Variants in NEB observed in about 807,000 individuals in gnomAD.
The protein encoded by NEB is nebulin.
Under a neutral mutation model 952.2 loss-of-function variants are expected in NEB, and 512 were observed. The observed-to-expected ratio is 0.54, with a 90% CI of 0.50 to 0.58. The LOEUF (loss-of-function observed/expected upper bound fraction) is 0.58, where lower values mean the gene tolerates loss of function less well. Ranked by LOEUF, NEB falls within the 20% of genes least tolerant of loss-of-function variation. The pLI, the probability that NEB is intolerant of heterozygous loss-of-function variation, is 0.00. For missense variants in NEB, 8,428 were observed against 9,231.1 expected, an observed-to-expected ratio of 0.91 and a Z score of 3.56; for synonymous variants, 2,900 against 3,149.8, an observed-to-expected ratio of 0.92 and a Z score of 2.66.
At chr2:151,551,635 G>C (rs2095347471) in intron 129 of NEB, 103 bp downstream of exon 129, 1 of 839,530 alleles carries the variant, frequency 1.2e-6, no homozygotes, top group African/African-American at 1.7e-5. Flanking sequence ...GAATAGAACA[G>C]CATTTATACA....
chr2:151,625,379 T>C (rs947328505), intron 71 of NEB, among the ~76,000 whole-genome samples, 155 bp downstream of exon 71: 5 of 152,204 alleles, frequency 3.3e-5, no homozygotes, highest in African/African-American at 1.2e-4. Context: ...GCCTATTTTT[T>C]AATACAATAA....
chr2:151,640,783 T>C, intron 60 of NEB, 117 bp from the exon 61 acceptor site: 1 of 932,934 alleles, frequency 1.1e-6, no homozygotes, highest in African/African-American at 1.7e-5. Context: ...GTAAATTATA[T>C]GATAGATGTA....
intron 105 of NEB, among the ~76,000 whole-genome samples, chr2:151,577,911 A>G (rs1024613093): frequency 6.6e-6 from 1 of 152,060 alleles, no homozygotes; most frequent in Non-Finnish European, 1.5e-5. Context: ...TTTATTCACC[A>G]TGGTATCTTT....
intron 167 of NEB, among the ~76,000 whole-genome samples, chr2:151,501,960 A>T (rs983129643): frequency 2.0e-5 from 3 of 152,216 alleles, no homozygotes; most frequent in African/African-American, 7.2e-5. Flanking sequence ...CTTACATAGC[A>T]TACAAAAAAT....
At chr2:151,494,093 TAGG>T in intron 174 of NEB, 65 bp downstream of exon 174, 1 of 1,319,528 alleles carries the variant, frequency 7.6e-7, no homozygotes, top group Non-Finnish European at 1.1e-6. Context: ...GGGACAGGGT[TAGG>T]AGCAGGCCAA....
chr2:151,570,533 G>C lies in NEB; in HGVS notation c.17082C>G (p.Ile5694Met). 1.2e-6 allele frequency: 2 copies of C among 1,611,662 alleles called. No homozygotes were observed. The highest frequency in any genetic ancestry group is 1.1e-5 in the South Asian group (1 of 90,438). ...GCDVRLDAIP[I>M]QAAKASREIA... ...TCTCCCTGGAGGCCTTGGCAGCCTG[G>C]ATGGGGATGGCATCCAGCCGGACAT... is the stretch of plus-strand genomic sequence containing the variant. The change falls in exon 108 of 182, where the codon ATC (isoleucine) becomes ATG (methionine). Residue 5694 changes from isoleucine (I) to methionine (M), a missense_variant. By Grantham distance (10) the Ile-to-Met change is conservative. Around this residue, in one of 11 missense-constraint regions of NEB, gnomAD observed 3,374 missense variants for 3,651.5 expected, o/e 0.92. Coordinates refer to ENST00000397345, the MANE Select transcript of NEB (RefSeq NM_001164508.2).
At chr2:151,717,860 T>C (rs2099763549) in intron 9 of NEB, among the ~76,000 whole-genome samples, 1 of 151,080 alleles carries the variant, frequency 6.6e-6, no homozygotes, top group African/African-American at 2.4e-5. Context: ...TTGTTCTTTT[T>C]TTTTTTTTTT....
rs376626620 is a variant in NEB, at chr2:151,724,859, T to C, written c.505A>G (p.Lys169Glu). The change falls in exon 7 of 182, where the codon AAG becomes GAG. Residue 169 changes from lysine (K) to glutamate (E), a missense_variant and splice_region_variant. Around this residue, in one of 11 missense-constraint regions of NEB, gnomAD observed 2,851 missense variants for 2,791.5 expected, o/e 1.02. Coordinates refer to ENST00000397345, the MANE Select transcript of NEB (RefSeq NM_001164508.2). ...HAKKVSQQVS[K>E]VLYKQNWEDT... ...AGCCATCCATATCATTGCCTTACCTTACTGACTTGCTGCGACACTTTCTTT... is the reference window on the plus strand; with the variant it reads ...AGCCATCCATATCATTGCCTTACCTCACTGACTTGCTGCGACACTTTCTTT... 13 of 1,612,798 alleles carry C rather than the reference T, an allele frequency of 8.1e-6. No homozygotes were observed. The highest frequency in any genetic ancestry group is 1.1e-5 in the Non-Finnish European group (13 of 1,179,102).
In NEB at chr2:151,706,888, A is replaced by G; in HGVS notation, c.1145T>C (p.Leu382Pro). The G allele has an allele frequency of 1.3e-6, 2 of 1,597,826 alleles. No homozygotes were observed. The highest frequency in any genetic ancestry group is 1.7e-6 in the Non-Finnish European group (2 of 1,171,204). Residue 382 changes from leucine (L) to proline (P), a missense_variant, in exon 13 of 182, where the codon CTA becomes CCA. Leu to Pro is a moderately conservative substitution (Grantham distance 98, BLOSUM62 -3). Coordinates refer to ENST00000397345, the MANE Select transcript of NEB (RefSeq NM_001164508.2). ...TGACAAAAATATACTTACGTCACTT[A>G]GGGCATCTCCTGCTGCCTTCAGCTG... is the stretch of plus-strand genomic sequence containing the variant. ...LRQLKAAGDA[L>P]SDKLYKENYE...
chr2:151,724,194 G>A, intron 8 of NEB, 66 bp downstream of exon 8: 1 of 1,206,712 alleles, frequency 8.3e-7, no homozygotes, highest in Non-Finnish European at 1.2e-6. Flanking sequence ...AGTTCACCAA[G>A]TATTACATGA....
intron 32 of NEB, among the ~76,000 whole-genome samples, chr2:151,678,901 A>G (rs146086195): frequency 9.5e-4 from 144 of 152,312 alleles, no homozygotes; most frequent in African/African-American, 3.2e-3. Flanking sequence ...TTGTTATTCA[A>G]TCATCACATA....
In NEB at chr2:151,643,361, T is replaced by G. The variant is rs780560085; in HGVS notation, c.7957-8A>C. The G allele has an allele frequency of 2.5e-6, 4 of 1,592,396 alleles. No individual in the cohort carries two copies. The South Asian group carries it at 3.4e-5, about 14-fold the overall frequency. On this transcript the variant is annotated splice_region_variant and splice_polypyrimidine_tract_variant and intron_variant, in intron 57 of 181. Transcript: ENST00000397345. ...GTCTGACTTGTACAAATTCTGAAAG[T>G]GCAAGTGACAAATTTGTCATAATTA...
At chr2:151,679,374 A>G (rs1157981207) in intron 32 of NEB, among the ~76,000 whole-genome samples, 1 of 152,198 alleles carries the variant, frequency 6.6e-6, no homozygotes, top group African/African-American at 2.4e-5. Flanking sequence ...AATCATATAA[A>G]TTAATAAAGT....
intron 145 of NEB, chr2:151,530,745 T>G: frequency 8.2e-6 from 3 of 366,300 alleles, no homozygotes; most frequent in Non-Finnish European, 9.8e-6. Context: ...TGGCTAGCCA[T>G]GGGAGTGAGC....
chr2:151,625,887 CGT>C (rs1216632630), intron 70 of NEB, among the ~76,000 whole-genome samples: 1 of 152,038 alleles, frequency 6.6e-6, no homozygotes, highest in Non-Finnish European at 1.5e-5. Flanking sequence ...TACACACCCA[CGT>C]GTGTGTGTTT....
chr2:151,506,485 A>G, intron 163 of NEB: 1 of 503,650 alleles, frequency 2.0e-6, no homozygotes, highest in Non-Finnish European at 3.5e-6. Flanking sequence ...AGATTGTGGT[A>G]TACCATACTA....
Position 151,710,477 on chromosome 2 carries a change from A to C in NEB, c.884T>G (p.Phe295Cys). The C allele has an allele frequency of 6.2e-7, 1 of 1,612,550 alleles. No individual in the cohort carries two copies. Among genetic ancestry groups the C allele is most frequent in the South Asian group, 1.1e-5 (1 of 90,890 alleles). ...IKGKWSETPC[F>C]EVANARMNAD... ...ATTCATTCTGGCATTTGCAACTTCA[A>C]AGCAAGGTGTCTCACTCCATTTGCC... The change falls in exon 11 of 182, where the codon TTT becomes TGT. Residue 295 changes from phenylalanine (F) to cysteine (C), a missense_variant. Coordinates refer to ENST00000397345, the MANE Select transcript of NEB (RefSeq NM_001164508.2).
chr2:151,642,867 G>T lies in NEB; in HGVS notation c.8163C>A (p.Arg2721=). Residue 2721 remains arginine (R), a splice_region_variant and synonymous_variant, in exon 59 of 182, where the codon CGC becomes CGA. Coordinates refer to ENST00000397345, the MANE Select transcript of NEB (RefSeq NM_001164508.2). ...AKNNAITMNH[R]LYTEAWDKDK... ...CTTTATCCCAAGCTTCTGTATAGAG[G>T]CGCTAAGAGAAACAGAAAAACATGA... is the stretch of plus-strand genomic sequence containing the variant. The T allele has an allele frequency of 6.2e-7, 1 of 1,602,984 alleles. No individual in the cohort carries two copies. The highest frequency in any genetic ancestry group is 8.5e-7 in the Non-Finnish European group (1 of 1,172,900).
At chr2:151,718,655 T>C (rs1038243162) in intron 9 of NEB, among the ~76,000 whole-genome samples, 3 of 152,168 alleles carry the variant, frequency 2.0e-5, no homozygotes, top group Non-Finnish European at 4.4e-5. Context: ...CCCAGGGTGC[T>C]GCCCTTTCCA....
Sources: allele counts gnomAD v4.1 joint callset (sites outside exome capture counted in the v4.1 genomes callset), GRCh38; gene constraint gnomAD v4.1.1; regional missense constraint gnomAD v4.1.1; transcripts MANE v1.5; gene names NCBI Gene and HGNC (gene_info 2026-07-23, HGNC 2026-07-21).